The following KDSR variants were observed in gnomAD, a reference collection of about 807,000 sequenced individuals.
The protein encoded by KDSR is 3-dehydrosphinganine reductase.
In KDSR, 23 loss-of-function variants were observed where a neutral mutation model predicts 41.3. The ratio of observed to expected loss-of-function variants is 0.56; its 90% CI spans 0.40 to 0.79. The LOEUF is 0.79. KDSR is among the 30% of genes least tolerant of loss of function. The pLI, the probability that KDSR is intolerant of heterozygous loss-of-function variation, is 0.00. For synonymous variants in KDSR, 138 were observed against 151.7 expected, an observed-to-expected ratio of 0.91 and a Z score of 0.66; for missense variants, 351 against 416.8, an observed-to-expected ratio of 0.84 and a Z score of 1.37.
intron 9 of KDSR, among the ~76,000 whole-genome samples, chr18:63,334,148 C>G (rs1285924957): frequency 6.6e-6 from 1 of 152,240 alleles, no homozygotes; most frequent in South Asian, 2.1e-4. Flanking sequence ...AAGAGAATGG[C>G]AAAGACAGTA....
intron 4 of KDSR, 63 bp downstream of exon 4, chr18:63,355,435 A>T: frequency 6.2e-7 from 1 of 1,612,130 alleles, no homozygotes; most frequent in Non-Finnish European, 8.5e-7. Context: ...CCACATAGCA[A>T]AATGGCAAGA....
At chr18:63,356,582 T>A (rs570300124) in intron 3 of KDSR, among the ~76,000 whole-genome samples, 12 of 152,224 alleles carry the variant, frequency 7.9e-5, no homozygotes, top group African/African-American at 2.9e-4. Flanking sequence ...GGCAGAAGGA[T>A]CAAGCTCATT....
At position 63,329,109 on chromosome 18, in the gene KDSR, A is replaced by G. The variant is rs1014589299; in HGVS notation, c.*2673T>C. On this transcript the variant is annotated 3_prime_UTR_variant, in exon 10 of 10. Coordinates refer to ENST00000645214, the MANE Select transcript of KDSR (RefSeq NM_002035.4). The stretch of plus-strand genomic sequence containing the variant: ...GAAAAACAAGTTGTTCAAGCATTGA[A>G]CCAAAAAATATAAAAAATAGAATTT... 2 of 198,952 alleles carry G rather than the reference A, an allele frequency of 1.0e-5. No individual in the cohort carries two copies. The highest frequency in any genetic ancestry group is 4.6e-5 in the African/African-American group (2 of 43,376). 12.3% of individuals were successfully genotyped at this position (198,952 alleles called of 1,614,324 possible). A position where few individuals can be genotyped will look rare whatever the true frequency, so the allele number is the denominator to read the frequency against.
At chr18:63,351,474 A>C (rs1914660404) in intron 5 of KDSR, among the ~76,000 whole-genome samples, 1 of 152,236 alleles carries the variant, frequency 6.6e-6, no homozygotes, top group Admixed American at 6.5e-5. Context: ...CTAAGCTATA[A>C]GAAAAACACA....
At chr18:63,344,310 A>G in intron 7 of KDSR, 100 bp downstream of exon 7, 1 of 769,266 alleles carries the variant, frequency 1.3e-6, no homozygotes, top group African/African-American at 1.7e-5. Flanking sequence ...CCCAACAAAC[A>G]TTGTTGATTG....
intron 3 of KDSR, 53 bp downstream of exon 3, chr18:63,359,683 T>C: frequency 8.6e-7 from 1 of 1,162,436 alleles, no homozygotes; most frequent in Non-Finnish European, 1.3e-6. Context: ...GTTTTTCCTT[T>C]ATACAGCTGT....
chr18:63,359,763 A>T lies in KDSR; in HGVS notation c.228T>A (p.Ile76=), dbSNP rs1358655053. 6.2e-7 allele frequency: 1 copy of T among 1,609,892 alleles called. No homozygotes were observed. The highest frequency in any genetic ancestry group is 1.1e-5 in the South Asian group (1 of 91,006). The change falls in exon 3 of 10, where the codon ATT becomes ATA. Residue 76 remains isoleucine (I), a synonymous_variant. Coordinates refer to ENST00000645214, the MANE Select transcript of KDSR (RefSeq NM_002035.4). ...EDKLLQAKKE[I]EMHSINDKQV... ...GTTTGTCATTAATAGAGTGCATTTCAATTTCTTTCTTTGCCTGCAGCAGCT... is the reference window on the plus strand; with the variant it reads ...GTTTGTCATTAATAGAGTGCATTTCTATTTCTTTCTTTGCCTGCAGCAGCT...
At chr18:63,341,562 T>A (rs1914341173) in intron 7 of KDSR, among the ~76,000 whole-genome samples, 1 of 150,874 alleles carries the variant, frequency 6.6e-6, no homozygotes. Context: ...CCAGAGAGAA[T>A]GAACACTTGA....
intron 6 of KDSR, chr18:63,344,702 C>T: frequency 2.2e-6 from 1 of 460,702 alleles, no homozygotes. Flanking sequence ...AACCTGGACC[C>T]CAGAAAACAG....
chr18:63,329,698 G>A lies in KDSR; in HGVS notation c.*2084C>T. On this transcript the variant is annotated 3_prime_UTR_variant, in exon 10 of 10. Coordinates refer to ENST00000645214, the MANE Select transcript of KDSR (RefSeq NM_002035.4). ...TCACTGGAGGCAACAGGTTCTATGA[G>A]GATAATTTGAAAAAATATATTGAAA... is the stretch of plus-strand genomic sequence containing the variant. The A allele has an allele frequency of 1.0e-5, 2 of 193,564 alleles. No individual in the cohort carries two copies. The highest frequency in any genetic ancestry group is 1.6e-4 in the East Asian group (2 of 12,256). 12.0% of individuals were successfully genotyped at this position (193,564 alleles called of 1,614,324 possible). A position where few individuals can be genotyped will look rare whatever the true frequency, so the allele number is the denominator to read the frequency against.
In KDSR at chr18:63,331,652, G is replaced by A. The variant is rs1914003925; in HGVS notation, c.*130C>T. On this transcript the variant is annotated 3_prime_UTR_variant, in exon 10 of 10. Coordinates refer to ENST00000645214, the MANE Select transcript of KDSR (RefSeq NM_002035.4). The stretch of plus-strand genomic sequence containing the variant: ...GCCCCTTGCTTGCAGCCACATTCCT[G>A]AAGAGCACTGGTCCAATCTGACGTA... The A allele has an allele frequency of 1.2e-6, 1 of 809,652 alleles. No homozygotes were observed. Among genetic ancestry groups the A allele is most frequent in the Non-Finnish European group, 1.9e-6 (1 of 514,918 alleles). The allele number at this position is 809,652 out of a possible 1,614,324, so 50.2% of individuals were successfully genotyped here. A position where few individuals can be genotyped will look rare whatever the true frequency, so the allele number is the denominator to read the frequency against.
chr18:63,329,398 T>C lies in KDSR; in HGVS notation c.*2384A>G, dbSNP rs1913905587. ...GAAGTAGCATAAATATAAAGTACAATACTCTCACATCAGTTCAAGTCAGAT... is the reference window on the plus strand; with the variant it reads ...GAAGTAGCATAAATATAAAGTACAACACTCTCACATCAGTTCAAGTCAGAT... On this transcript the variant is annotated 3_prime_UTR_variant, in exon 10 of 10. Transcript: ENST00000645214. The C allele has an allele frequency of 9.6e-6, 2 of 208,642 alleles. No homozygotes were observed. The highest frequency in any genetic ancestry group is 1.5e-3 in the Middle Eastern group (1 of 654). The allele number at this position is 208,642 out of a possible 1,614,324, so 12.9% of individuals were successfully genotyped here.
At chr18:63,350,144 T>C (rs1307546369) in intron 6 of KDSR, among the ~76,000 whole-genome samples, 1 of 152,244 alleles carries the variant, frequency 6.6e-6, no homozygotes, top group Non-Finnish European at 1.5e-5. Flanking sequence ...CTTGCCTTTT[T>C]CAGCATGTGA....
chr18:63,346,676 T>G (rs938487527), intron 6 of KDSR: 1 of 152,192 alleles, frequency 6.6e-6, no homozygotes, highest in Non-Finnish European at 1.5e-5. Context: ...TAGATTGGTA[T>G]TCTCGCTATG....
intron 5 of KDSR, among the ~76,000 whole-genome samples, chr18:63,354,821 C>T (rs950010788): frequency 6.6e-5 from 10 of 152,174 alleles, no homozygotes; most frequent in African/African-American, 2.4e-4. Context: ...TCTAGTGAGT[C>T]TGTCCTTCAA....
intron 3 of KDSR, among the ~76,000 whole-genome samples, chr18:63,358,255 A>C (rs2144375209): frequency 6.6e-6 from 1 of 152,268 alleles, no homozygotes; most frequent in Non-Finnish European, 1.5e-5. Context: ...AAGTTATACA[A>C]ATCTATAGAG....
rs1480288461 is a variant in KDSR, at chr18:63,351,792, A to AT, written c.418-714dup. Among the ~76,000 whole-genome samples the AT allele has an allele frequency of 2.2e-4, 34 of 151,642 alleles. 2 individuals carry two copies. In the South Asian group the frequency reaches 6.7e-3, roughly 30 times the overall value. ...TATTTTTTGCTTTTTTACTATTATC[A>AT]TTTTTTTTAGAGACGGGGTCTCACT... On this transcript the variant is annotated intron_variant, in intron 5 of 9. Transcript: ENST00000645214.
intron 7 of KDSR, among the ~76,000 whole-genome samples, chr18:63,339,244 T>A (rs764180679): frequency 2.0e-5 from 3 of 151,700 alleles, no homozygotes; most frequent in Non-Finnish European, 2.9e-5. Flanking sequence ...GGTGCTTTTC[T>A]GTAGAGGCTA....
intron 9 of KDSR, among the ~76,000 whole-genome samples, chr18:63,332,134 T>C (rs1914021872): frequency 6.6e-6 from 1 of 152,182 alleles, no homozygotes; most frequent in South Asian, 2.1e-4. Flanking sequence ...ATTCAAACCA[T>C]AAGCAGAATA....
Sources: allele counts gnomAD v4.1 joint callset (sites outside exome capture counted in the v4.1 genomes callset), GRCh38; gene constraint gnomAD v4.1.1; transcripts MANE v1.5; gene names NCBI Gene and HGNC (gene_info 2026-07-23, HGNC 2026-07-21).